The following PCSK6 variants were observed in gnomAD, a reference collection of about 807,000 sequenced individuals.
The protein encoded by PCSK6 is proprotein convertase subtilisin/kexin type 6, also known as paired basic amino acid cleaving enzyme 4.
PCSK6 carries 85 observed loss-of-function variants against 123.3 expected under a neutral mutation model. That is an observed-to-expected ratio of 0.69 (90% confidence interval 0.58 to 0.83). PCSK6 has a LOEUF of 0.83. Among genes scored for constraint, PCSK6 ranks in the 40% least tolerant of loss-of-function variants. The probability of loss-of-function intolerance (pLI) is 0.00; values close to 1 mark genes in which losing one functional copy is unlikely to be tolerated. For synonymous variants in PCSK6, 508 were observed against 516.0 expected (o/e 0.98, Z 0.21); for missense variants, 1,191 against 1,282.3 (o/e 0.93, Z 1.09).
At chr15:101,409,233 G>A (rs28516894) in intron 6 of PCSK6, among the ~76,000 whole-genome samples, 37,068 of 150,900 alleles carry the variant, frequency 0.25, 4,760 homozygotes, top group African/African-American at 0.35. Flanking sequence ...CGAGGCGGGC[G>A]GATCACGAGG....
chr15:101,322,267 G>A (rs7179546), intron 18 of PCSK6, among the ~76,000 whole-genome samples: 4,404 of 152,284 alleles, frequency 0.029, 222 homozygotes, highest in African/African-American at 0.1. Context: ...ACAGCCCTGT[G>A]CTGTACGTGA....
In PCSK6 at chr15:101,389,532, A is replaced by G. The variant is rs781613415; in HGVS notation, c.1242T>C (p.Asp414=). ...VTTDLRQRCT[D]GHTGTSVSAP... ...CAGAGACTGAGGTCCCAGTGTGGCCATCGGTACAGCGCTGACGCAGATCCG... is the reference window on the plus strand; with the variant it reads ...CAGAGACTGAGGTCCCAGTGTGGCCGTCGGTACAGCGCTGACGCAGATCCG... Residue 414 remains aspartate, a synonymous_variant, in exon 9 of 22, where the codon GAT becomes GAC. Coordinates refer to ENST00000611716, the MANE Select transcript of PCSK6 (RefSeq NM_002570.5). The G allele has an allele frequency of 1.2e-6, 2 of 1,613,666 alleles. No individual in the cohort carries two copies. Among genetic ancestry groups the G allele is most frequent in the Non-Finnish European group, 1.7e-6 (2 of 1,179,714 alleles).
rs1480378183 is a variant in PCSK6, at chr15:101,366,415, G to A, written c.1722-83C>T. 1.9e-5 allele frequency: 28 copies of A among 1,449,182 alleles called. 1 individual carries two copies. Among genetic ancestry groups the A allele is most frequent in the South Asian group, 1.3e-4 (10 of 76,622 alleles). The allele number at this position is 1,449,182 out of a possible 1,614,324, so 89.8% of individuals were successfully genotyped here. ...AGGGGCTGGCACAAGCAGGGCTCTCGGGGGACTGTATGACCTGGCTGGACC... is the reference window on the plus strand; with the variant it reads ...AGGGGCTGGCACAAGCAGGGCTCTCAGGGGACTGTATGACCTGGCTGGACC... On this transcript the variant is annotated intron_variant, in intron 12 of 21. Coordinates refer to ENST00000611716, the MANE Select transcript of PCSK6 (RefSeq NM_002570.5).
Position 101,362,191 on chromosome 15 carries a change from T to C in PCSK6, c.1858+4005A>G, listed in dbSNP as rs557749388. 1.6e-3 allele frequency among the ~76,000 whole-genome samples: 244 copies of C among 152,116 alleles called. 1 individual carries two copies. Among genetic ancestry groups the C allele is most frequent in the African/African-American group, 5.4e-3 (224 of 41,478 alleles). On this transcript the variant is annotated intron_variant, in intron 13 of 21. Transcript: ENST00000611716. ...CAGGATGGTCTCGATCTCCTGACCT[T>C]GTGATTCACCCGCCTCGGCCTCCCA...
intron 4 of PCSK6, among the ~76,000 whole-genome samples, chr15:101,430,777 T>C (rs1039894920): frequency 6.6e-6 from 1 of 152,230 alleles, no homozygotes; most frequent in East Asian, 1.9e-4. Flanking sequence ...ATCTATGATA[T>C]TTACGATATG....
intron 11 of PCSK6, among the ~76,000 whole-genome samples, chr15:101,376,265 T>C (rs756218313): frequency 2.6e-5 from 4 of 151,998 alleles, no homozygotes; most frequent in South Asian, 2.1e-4. Flanking sequence ...GCTCTGTGCT[T>C]TTCTGTTGGT....
intron 13 of PCSK6, among the ~76,000 whole-genome samples, chr15:101,362,910 A>C (rs1462806570): frequency 6.6e-6 from 1 of 152,210 alleles, no homozygotes; most frequent in African/African-American, 2.4e-5. Flanking sequence ...GGCTTTAACA[A>C]CCTGGGGAGG....
chr15:101,347,471 A>G (rs2040765642), intron 13 of PCSK6: 20 of 1,258,090 alleles, frequency 1.6e-5, no homozygotes, highest in Non-Finnish European at 2.0e-5. Flanking sequence ...CCCCTTCATT[A>G]AACATTTTAC....
intron 2 of PCSK6, among the ~76,000 whole-genome samples, chr15:101,438,602 G>A (rs186954121): frequency 5.3e-5 from 8 of 152,312 alleles, no homozygotes; most frequent in Admixed American, 1.3e-4. Flanking sequence ...GCACAGCAGC[G>A]TCAGTCCGCC....
intron 1 of PCSK6, 44 bp downstream of exon 1, chr15:101,489,330 G>A (rs1380894717): frequency 5.4e-6 from 6 of 1,103,278 alleles, no homozygotes; most frequent in Non-Finnish European, 6.6e-6. Flanking sequence ...GCGCGCCGGA[G>A]GCCGCCGGGA....
At chr15:101,489,222 G>A (rs1300007324) in intron 1 of PCSK6, 152 bp downstream of exon 1, 5 of 297,490 alleles carry the variant, frequency 1.7e-5, no homozygotes, top group Admixed American at 7.8e-5. Flanking sequence ...CCCGCAGGGC[G>A]CCCCGGCCGC....
chr15:101,379,959 T>C (rs1208829240), intron 11 of PCSK6, among the ~76,000 whole-genome samples: 1 of 152,182 alleles, frequency 6.6e-6, no homozygotes, highest in Non-Finnish European at 1.5e-5. Flanking sequence ...CCGTATGTCC[T>C]CTGCAACAAC....
intron 13 of PCSK6, among the ~76,000 whole-genome samples, chr15:101,335,525 C>T (rs576616348): frequency 6.6e-6 from 1 of 152,336 alleles, no homozygotes; most frequent in African/African-American, 2.4e-5. Flanking sequence ...TCTTGTGTAT[C>T]ATTTCTGAAG....
At chr15:101,488,571 C>G (rs1207986714) in intron 1 of PCSK6, among the ~76,000 whole-genome samples, 1 of 152,160 alleles carries the variant, frequency 6.6e-6, no homozygotes, top group African/African-American at 2.4e-5. Context: ...AGCATTAGAT[C>G]TTTCCGACAA....
intron 19 of PCSK6, among the ~76,000 whole-genome samples, chr15:101,314,559 T>C (rs3784518): frequency 0.42 from 63,205 of 152,028 alleles, 16,457 homozygotes; most frequent in African/African-American, 0.75. Context: ...CAAGGGAAAA[T>C]CCCTTTGCAG....
intron 13 of PCSK6, among the ~76,000 whole-genome samples, chr15:101,336,563 T>A (rs2040483288): frequency 6.6e-6 from 1 of 152,230 alleles, no homozygotes; most frequent in Non-Finnish European, 1.5e-5. Context: ...ATCCTTTTCA[T>A]ATAATTAAGA....
chr15:101,310,918 GC>G (rs1369088915), intron 20 of PCSK6, among the ~76,000 whole-genome samples: 1 of 152,148 alleles, frequency 6.6e-6, no homozygotes, highest in Non-Finnish European at 1.5e-5. Context: ...TCAGACGGAA[GC>G]CCCCCGATAT....
chr15:101,361,432 G>C (rs994681631), intron 13 of PCSK6, among the ~76,000 whole-genome samples: 1 of 123,564 alleles, frequency 8.1e-6, no homozygotes, highest in East Asian at 2.6e-4. Flanking sequence ...AGGTGGGAGA[G>C]TGGGTAGGAC....
chr15:101,318,559 GA>G (rs1410925890), intron 18 of PCSK6, 137 bp from the exon 19 acceptor site: 9 of 731,050 alleles, frequency 1.2e-5, no homozygotes, highest in Non-Finnish European at 2.1e-5. Flanking sequence ...CTCAGCTAAG[GA>G]AAGTCGGGAA....
Sources: gnomAD v4.1 joint callset for allele counts (sites outside exome capture counted in the v4.1 genomes callset) on GRCh38, gnomAD v4.1.1 for gene constraint, MANE v1.5 for transcripts, NCBI Gene and HGNC (gene_info 2026-07-23, HGNC 2026-07-21) for gene names.